Variants in RIMKLB observed in about 807,000 individuals in gnomAD.
The protein encoded by RIMKLB is ribosomal modification protein rimK like family member B, also known as beta-citrylglutamate synthase B.
In RIMKLB, 7 loss-of-function variants were observed where a neutral mutation model predicts 32.0. That is an observed-to-expected ratio of 0.22 (90% CI 0.12 to 0.41). RIMKLB has a LOEUF of 0.41. Ranked by LOEUF, RIMKLB falls within the 10% of genes least tolerant of loss-of-function variation. The pLI is 1.00. For synonymous variants in RIMKLB, 172 were observed against 185.1 expected, an observed-to-expected ratio of 0.93 and a Z score of 0.57; for missense variants, 289 against 498.7, an observed-to-expected ratio of 0.58 and a Z score of 4.00.
At chr12:8,689,233 G>T (rs1942665084) in intron 1 of RIMKLB, among the ~76,000 whole-genome samples, 1 of 152,158 alleles carries the variant, frequency 6.6e-6, no homozygotes, top group South Asian at 2.1e-4. Flanking sequence ...TTTAACAGGG[G>T]CTACTTATAC....
chr12:8,686,003 T>G (rs754974114), intron 1 of RIMKLB, among the ~76,000 whole-genome samples: 4 of 152,146 alleles, frequency 2.6e-5, no homozygotes, highest in Non-Finnish European at 4.4e-5. Flanking sequence ...AGACGGGGTT[T>G]CACCATATTG....
intron 2 of RIMKLB, among the ~76,000 whole-genome samples, chr12:8,729,153 C>T (rs1946312029): frequency 6.6e-6 from 1 of 152,166 alleles, no homozygotes; most frequent in African/African-American, 2.4e-5. Context: ...GCTTTGCCAT[C>T]CACAGACGGC....
rs58187682 is a variant in RIMKLB at position 8,748,519 on chromosome 12, C to CGTGTGTGTGTGT, written c.176-1315_176-1304dup. 1.1e-3 allele frequency among the ~76,000 whole-genome samples: 142 copies of CGTGTGTGTGTGT among 131,282 alleles called. 1 individual carries two copies. Among genetic ancestry groups the CGTGTGTGTGTGT allele is most frequent in the African/African-American group, 2.6e-3 (87 of 33,592 alleles). The allele number at this position is 131,282 out of a possible 152,430, so 86.1% of individuals were successfully genotyped here. A position where few individuals can be genotyped will look rare whatever the true frequency, so the allele number is the denominator to read the frequency against. ...CCCCCACAGACAAGGTGGGATTATT[C>CGTGTGTGTGTGT]GTGTGTGTGTGTGTGTGTGTGTGTG... On this transcript the variant is annotated intron_variant, in intron 2 of 5. Coordinates refer to ENST00000535829, the MANE Select transcript of RIMKLB (RefSeq NM_001297776.2).
chr12:8,706,841 C>G (rs565317228), intron 1 of RIMKLB, among the ~76,000 whole-genome samples: 421 of 152,092 alleles, frequency 2.8e-3, no homozygotes, highest in Non-Finnish European at 4.8e-3. Flanking sequence ...GAAATGGATT[C>G]TGAAATTTAG....
intron 1 of RIMKLB, among the ~76,000 whole-genome samples, chr12:8,698,851 G>C (rs1565547586): frequency 6.6e-6 from 1 of 151,946 alleles, no homozygotes. Flanking sequence ...CTTTTCCTTT[G>C]ACAGTCTCTG....
At position 8,775,368 on chromosome 12, in the gene RIMKLB, C is replaced by G. The variant is rs1316785895; in HGVS notation, c.*1584C>G. 1 of 985,190 alleles carries G rather than the reference C, an allele frequency of 1.0e-6. No homozygotes were observed. The highest frequency in any genetic ancestry group is 1.2e-6 in the Non-Finnish European group (1 of 829,872). 61.0% of individuals were successfully genotyped at this position (985,190 alleles called of 1,614,324 possible). On this transcript the variant is annotated 3_prime_UTR_variant, in exon 6 of 6. Coordinates refer to ENST00000535829, the MANE Select transcript of RIMKLB (RefSeq NM_001297776.2). ...CCCCCAAACTGCATATAATATGAGC[C>G]TTTAAAACATGGGTAAAACTAATCC...
At chr12:8,715,949 T>G (rs145396508) in intron 2 of RIMKLB, among the ~76,000 whole-genome samples, 17 of 152,328 alleles carry the variant, frequency 1.1e-4, no homozygotes, top group Admixed American at 6.5e-5. Flanking sequence ...GCTTTTTCAG[T>G]GTAAGTGTGT....
chr12:8,704,929 G>T (rs1051762329), intron 1 of RIMKLB, among the ~76,000 whole-genome samples: 2 of 151,176 alleles, frequency 1.3e-5, no homozygotes, highest in African/African-American at 4.9e-5. Context: ...GGCTGCAGTT[G>T]CGTCACTGCA....
chr12:8,705,476 CAAAAAAAA>C (rs10607711), intron 1 of RIMKLB, among the ~76,000 whole-genome samples: 1 of 105,348 alleles, frequency 9.5e-6, no homozygotes, highest in Non-Finnish European at 2.0e-5. Context: ...GACTCCATCT[CAAAAAAAA>C]AAAAAAAAAA....
At chr12:8,724,762 G>A (rs746182481) in intron 2 of RIMKLB, among the ~76,000 whole-genome samples, 22 of 152,300 alleles carry the variant, frequency 1.4e-4, no homozygotes, top group African/African-American at 5.3e-4. Flanking sequence ...GGCTGGATCT[G>A]CAGGTCCTGG....
At chr12:8,771,233 A>G (rs987200618) in intron 5 of RIMKLB, among the ~76,000 whole-genome samples, 3 of 152,170 alleles carry the variant, frequency 2.0e-5, no homozygotes, top group African/African-American at 7.2e-5. Context: ...CTGTATGTTC[A>G]GATTCTTCTT....
upstream of RIMKLB, among the ~76,000 whole-genome samples, chr12:8,681,033 G>A (rs779144986): frequency 1.3e-5 from 2 of 150,840 alleles, no homozygotes; most frequent in East Asian, 3.9e-4. Context: ...CACCCAGGCA[G>A]AAGTGCAGTG....
At chr12:8,769,179 A>C (rs1315706214) in intron 5 of RIMKLB, among the ~76,000 whole-genome samples, 2 of 151,768 alleles carry the variant, frequency 1.3e-5, no homozygotes, top group Non-Finnish European at 2.9e-5. Flanking sequence ...GCAACCTCAA[A>C]GTAGTTAATA....
chr12:8,714,121 A>G, intron 2 of RIMKLB, 80 bp downstream of exon 2: 1 of 1,201,966 alleles, frequency 8.3e-7, no homozygotes, highest in Non-Finnish European at 1.2e-6. Flanking sequence ...TAATTAGGAC[A>G]GAGGAATTCT....
chr12:8,692,955 G>C (rs1011744151), upstream of RIMKLB, among the ~76,000 whole-genome samples: 12 of 152,198 alleles, frequency 7.9e-5, no homozygotes, highest in Non-Finnish European at 1.6e-4. Context: ...TATAACGTTA[G>C]ATAATCCACA....
At chr12:8,680,887 C>G (rs111924839), upstream of RIMKLB, among the ~76,000 whole-genome samples, 5,057 of 152,208 alleles carry the variant, frequency 0.033, 253 homozygotes, top group African/African-American at 0.11. Flanking sequence ...TTGTGTGCTA[C>G]ATCTAAAAGA....
the RIMKLB span, among the ~76,000 whole-genome samples, chr12:8,675,233 G>A: frequency 6.6e-6 from 1 of 152,172 alleles, no homozygotes; most frequent in African/African-American, 2.4e-5. Context: ...ACACATTTCA[G>A]TCTTATTTTC....
intron 2 of RIMKLB, among the ~76,000 whole-genome samples, chr12:8,738,412 T>A (rs1034714125): frequency 2.6e-5 from 4 of 152,164 alleles, no homozygotes; most frequent in African/African-American, 9.7e-5. Context: ...ATAGCATTCT[T>A]CATAAAAAGT....
intron 5 of RIMKLB, among the ~76,000 whole-genome samples, chr12:8,763,288 T>C (rs1317641989): frequency 6.6e-6 from 1 of 152,194 alleles, no homozygotes; most frequent in East Asian, 1.9e-4. Context: ...GTTTTTTTTC[T>C]GTTACATGTA....
Sources: allele counts gnomAD v4.1 joint callset (sites outside exome capture counted in the v4.1 genomes callset), GRCh38; gene constraint gnomAD v4.1.1; transcripts MANE v1.5; gene names NCBI Gene and HGNC (gene_info 2026-07-23, HGNC 2026-07-21).